EVC: variants seen among roughly 807,000 people sequenced by gnomAD.
EVC encodes the protein EvC ciliary complex subunit 1.
EVC carries 116 observed loss-of-function variants against 118.9 expected under a neutral mutation model. The ratio of observed to expected loss-of-function variants is 0.98; its 90% confidence interval spans 0.84 to 1.14. The LOEUF is 1.14. EVC is among the 50% of genes most tolerant of loss of function. The pLI is 0.00. For synonymous variants in EVC, 619 were observed against 534.7 expected (o/e 1.16, Z -2.18); for missense variants, 1,401 against 1,246.4 (o/e 1.12, Z -1.87).
the EVC span, chr4:5,828,222 C>A: frequency 3.0e-6 from 3 of 985,288 alleles, no homozygotes; most frequent in African/African-American, 3.5e-5. Flanking sequence ...GCTTGGTAAG[C>A]GTCCCTCCCA....
chr4:5,768,167 C>G (rs868730736), intron 11 of EVC, among the ~76,000 whole-genome samples: 1 of 152,156 alleles, frequency 6.6e-6, no homozygotes, highest in Non-Finnish European at 1.5e-5. Flanking sequence ...GGGGATGAGT[C>G]CAGAGCGCCT....
chr4:5,761,913 T>A (rs949043560), intron 11 of EVC, among the ~76,000 whole-genome samples: 2 of 151,644 alleles, frequency 1.3e-5, no homozygotes, highest in African/African-American at 4.9e-5. Context: ...TTTTTTTTTT[T>A]AATTATTATT....
intron 11 of EVC, among the ~76,000 whole-genome samples, chr4:5,761,326 T>A (rs1731972364): frequency 6.6e-6 from 1 of 151,808 alleles, no homozygotes; most frequent in Non-Finnish European, 1.5e-5. Flanking sequence ...GGGTCCTGGG[T>A]GTGAATCTCA....
chr4:5,817,280 G>A (rs1424206920), downstream of EVC, among the ~76,000 whole-genome samples: 1 of 152,214 alleles, frequency 6.6e-6, no homozygotes, highest in Non-Finnish European at 1.5e-5. Flanking sequence ...CTTGTCCATT[G>A]CAAGCTGGGA....
Position 5,714,788 on chromosome 4 carries a change from C to CTTTTTTTGTTT in EVC, c.174+3238_174+3248dup, listed in dbSNP as rs1553859574. ...TTTTCCTGAAATTAATAGCTATTCT[C>CTTTTTTTGTTT]TTTTTTTGTTTTTTGTTTGTTTTTT... is the stretch of plus-strand genomic sequence containing the variant. On this transcript the variant is annotated intron_variant, in intron 1 of 20. Transcript: ENST00000264956. Among the ~76,000 whole-genome samples the CTTTTTTTGTTT allele has an allele frequency of 9.9e-5, 15 of 152,056 alleles. No homozygotes were observed. The East Asian group carries it at 1.4e-3, about 14-fold the overall frequency.
chr4:5,803,597 C>A (rs1389017347), intron 16 of EVC, among the ~76,000 whole-genome samples: 1 of 152,204 alleles, frequency 6.6e-6, no homozygotes, highest in East Asian at 1.9e-4. Flanking sequence ...CTTCCTGATA[C>A]CCCAGCTCTC....
rs749715176 is a variant in EVC at position 5,752,969 on chromosome 4, G to A, written c.1232G>A (p.Gly411Glu). The change falls in exon 9 of 21, where the codon GGG becomes GAG. Residue 411 changes from glycine (G) to glutamate (E), a missense_variant. Gly to Glu is a moderately conservative substitution (Grantham distance 98, BLOSUM62 -2). Transcript: ENST00000264956. Reference sequence around the variant, plus strand: ...GGCCTGGAGCTGCTGGCTGGTGAGGGGAAGCTGTCCGGGCGGCAGAAGGAG... The same window carrying A: ...GGCCTGGAGCTGCTGGCTGGTGAGGAGAAGCTGTCCGGGCGGCAGAAGGAG... ...SHGLELLAGE[G>E]KLSGRQKEEL... 4 of 1,613,826 alleles carry A rather than the reference G, an allele frequency of 2.5e-6. No individual in the cohort carries two copies. Among genetic ancestry groups the A allele is most frequent in the African/African-American group, 1.3e-5 (1 of 74,938 alleles).
the EVC span, chr4:5,825,981 C>A: frequency 1.1e-4 from 44 of 389,168 alleles, no homozygotes; most frequent in Non-Finnish European, 1.7e-4. This position sits in a 1 kb window ranked among gnomAD's most constrained non-coding sequence, Gnocchi z 4.4. Flanking sequence ...CAAAACAGGC[C>A]TACACAGTAG....
Position 5,711,238 on chromosome 4 carries a change from G to A in EVC, c.-143G>A, listed in dbSNP as rs763043709. ...AGCAGGGAAGGGGAGAGAAGCAGGA[G>A]TCGGGAGACTGCACAGGCCAGAAAG... On this transcript the variant is annotated 5_prime_UTR_variant, in exon 1 of 21. Transcript: ENST00000264956. 101 of 418,842 alleles carry A rather than the reference G, an allele frequency of 2.4e-4. No homozygotes were observed. The highest frequency in any genetic ancestry group is 3.1e-4 in the Non-Finnish European group (98 of 311,392). 25.9% of individuals were successfully genotyped at this position (418,842 alleles called of 1,614,324 possible). A position where few individuals can be genotyped will look rare whatever the true frequency, so the allele number is the denominator to read the frequency against.
chr4:5,727,514 T>G (rs1159783218), intron 2 of EVC, among the ~76,000 whole-genome samples: 1 of 152,184 alleles, frequency 6.6e-6, no homozygotes, highest in Non-Finnish European at 1.5e-5. Context: ...TTCTCCCATT[T>G]TGTAGGTTGC....
intron 2 of EVC, among the ~76,000 whole-genome samples, chr4:5,720,925 A>C (rs1724854847): frequency 7.0e-6 from 1 of 143,028 alleles, no homozygotes; most frequent in Non-Finnish European, 1.5e-5. Context: ...CTCCCTCCAA[A>C]CACTGATTGA....
chr4:5,827,190 AC>A, the EVC span, among the ~76,000 whole-genome samples: 1 of 152,184 alleles, frequency 6.6e-6, no homozygotes, highest in Admixed American at 6.5e-5. Context: ...ACGGAAGCTG[AC>A]TGTTAACCGC....
At chr4:5,791,352 CAGTA>C (rs959235262) in intron 12 of EVC, among the ~76,000 whole-genome samples, 68 of 152,092 alleles carry the variant, frequency 4.5e-4, no homozygotes, top group African/African-American at 1.6e-3. Flanking sequence ...ATTTTCAAAA[CAGTA>C]AGTGAGAACA....
At chr4:5,717,729 T>G (rs1159846495) in intron 1 of EVC, among the ~76,000 whole-genome samples, 2 of 152,242 alleles carry the variant, frequency 1.3e-5, no homozygotes, top group Non-Finnish European at 2.9e-5. Flanking sequence ...CCCTGAGATA[T>G]CTCAATGGCT....
In EVC at chr4:5,810,936, T is replaced by C. The variant is rs766743318; in HGVS notation, c.2895-17T>C. ...GAGTCAGCGTTCTAACTGGCTGCCT[T>C]TCTTCTCTGTTTTAAGCAGCAAAAG... On this transcript the variant is annotated splice_polypyrimidine_tract_variant and intron_variant, in intron 20 of 20. Coordinates refer to ENST00000264956, the MANE Select transcript of EVC (RefSeq NM_153717.3). The C allele has an allele frequency of 6.2e-7, 1 of 1,607,898 alleles. No individual in the cohort carries two copies. The highest frequency in any genetic ancestry group is 1.7e-5 in the Admixed American group (1 of 59,680).
chr4:5,727,195 A>G (rs1376566792), intron 2 of EVC, among the ~76,000 whole-genome samples: 3 of 152,148 alleles, frequency 2.0e-5, no homozygotes, highest in South Asian at 4.2e-4. Flanking sequence ...CCAACAGTGT[A>G]AAAGTGTTCC....
intron 8 of EVC, 67 bp downstream of exon 8, chr4:5,748,373 T>A: frequency 6.4e-7 from 1 of 1,562,980 alleles, no homozygotes; most frequent in Admixed American, 1.7e-5. Flanking sequence ...TCCTGAGGCT[T>A]GACATCCTTA....
chr4:5,719,168 A>G lies in EVC; in HGVS notation c.175-80A>G. ...GCTGGACTGGGGGAGTTGACTGGCA[A>G]AAGTCACGGTGGGGACCAGGCCGAC... On this transcript the variant is annotated intron_variant, in intron 1 of 20. Transcript: ENST00000264956. The surrounding 1 kb of genome is among the most constrained non-coding windows in gnomAD (Gnocchi z 4.7). 5 of 1,596,832 alleles carry G rather than the reference A, an allele frequency of 3.1e-6. No homozygotes were observed. The highest frequency in any genetic ancestry group is 2.2e-5 in the East Asian group (1 of 44,720).
chr4:5,760,807 C>T (rs2152117671), intron 11 of EVC, among the ~76,000 whole-genome samples: 1 of 152,320 alleles, frequency 6.6e-6, no homozygotes, highest in South Asian at 2.1e-4. Flanking sequence ...TCGCCTTGGC[C>T]TCCCAAAGTG....
Sources: gnomAD v4.1 joint callset for allele counts (sites outside exome capture counted in the v4.1 genomes callset) on GRCh38, gnomAD v4.1.1 for gene constraint, Gnocchi (gnomAD v3.1) non-coding constraint, MANE v1.5 for transcripts, NCBI Gene and HGNC (gene_info 2026-07-23, HGNC 2026-07-21) for gene names.